MLLT10: variants seen among roughly 807,000 people sequenced by gnomAD.
The protein encoded by MLLT10 is MLLT10 histone lysine methyltransferase DOT1L cofactor.
A neutral mutation model predicts 129.1 loss-of-function variants in MLLT10; 30 were observed. The observed-to-expected ratio is 0.23, with a 90% CI of 0.17 to 0.32. The LOEUF is 0.32. Among genes scored for constraint, MLLT10 ranks in the 10% least tolerant of loss-of-function variants. The pLI is 1.00. For missense variants in MLLT10, 1,119 were observed against 1,268.3 expected (o/e 0.88, Z 1.79); for synonymous variants, 490 against 446.4 (o/e 1.10, Z -1.23).
rs546258955 is a variant in MLLT10, at chr10:21,629,425, G to A, written c.699+12218G>A. Among the ~76,000 whole-genome samples the A allele has an allele frequency of 1.7e-4, 26 of 152,224 alleles. 1 individual carries two copies. In the East Asian group the frequency reaches 5.0e-3, roughly 29 times the overall value. On this transcript the variant is annotated intron_variant, in intron 8 of 22. Transcript: ENST00000307729. ...CTCTATTGGATGCATAGGTAAGCCT[G>A]TTCAGTACGGGTAGGCACTGCACAG... is the stretch of plus-strand genomic sequence containing the variant.
intron 4 of MLLT10, among the ~76,000 whole-genome samples, chr10:21,589,844 T>A (rs1370106748): frequency 6.6e-6 from 1 of 152,224 alleles, no homozygotes; most frequent in Non-Finnish European, 1.5e-5. Flanking sequence ...AAATTTTTGA[T>A]AAATTCGTTT....
At chr10:21,680,754 T>G (rs567736079) in intron 11 of MLLT10, among the ~76,000 whole-genome samples, 50 of 152,122 alleles carry the variant, frequency 3.3e-4, no homozygotes, top group African/African-American at 1.2e-3. Flanking sequence ...GGCAGATCAC[T>G]TGAGGTCAGG....
chr10:21,672,742 A>G (rs1411761769), intron 10 of MLLT10, among the ~76,000 whole-genome samples: 1 of 152,206 alleles, frequency 6.6e-6, no homozygotes, highest in African/African-American at 2.4e-5. Flanking sequence ...TAGATTCCAT[A>G]TGATCATTAT....
At chr10:21,652,626 A>T (rs2049156906) in intron 9 of MLLT10, among the ~76,000 whole-genome samples, 1 of 152,226 alleles carries the variant, frequency 6.6e-6, no homozygotes, top group African/African-American at 2.4e-5. Flanking sequence ...GTCTAGGGTG[A>T]GGGACCCATT....
intron 5 of MLLT10, among the ~76,000 whole-genome samples, chr10:21,600,536 C>T (rs532458161): frequency 5.3e-5 from 8 of 152,208 alleles, no homozygotes; most frequent in South Asian, 4.1e-4. Flanking sequence ...CATGTATTAA[C>T]GAGATGATAA....
chr10:21,627,780 G>T (rs1347571124), intron 8 of MLLT10, among the ~76,000 whole-genome samples: 1 of 152,002 alleles, frequency 6.6e-6, no homozygotes, highest in Non-Finnish European at 1.5e-5. Context: ...GCAAGTCTTG[G>T]CTCTTTTTTT....
rs1398428775 is a variant in MLLT10, at chr10:21,639,932, C to T, written c.700-11741C>T. The stretch of plus-strand genomic sequence containing the variant: ...GAGAAAAAGGAGGGCAGGAAAGGTC[C>T]GAAAGAGAGAGATTCTGTTTTCTGA... On this transcript the variant is annotated intron_variant, in intron 8 of 22. Transcript: ENST00000307729. 7.3e-5 allele frequency among the ~76,000 whole-genome samples: 11 copies of T among 151,668 alleles called. No individual in the cohort carries two copies. The South Asian group carries it at 2.1e-3, about 29-fold the overall frequency.
intron 3 of MLLT10, among the ~76,000 whole-genome samples, chr10:21,572,765 A>G (rs893415439): frequency 1.3e-5 from 2 of 152,098 alleles, no homozygotes; most frequent in African/African-American, 2.4e-5. Flanking sequence ...GGCATGTACC[A>G]CTAAGCACAG....
chr10:21,658,032 T>C (rs1244156948), intron 9 of MLLT10, among the ~76,000 whole-genome samples: 1 of 152,222 alleles, frequency 6.6e-6, no homozygotes, highest in East Asian at 1.9e-4. Context: ...AATACAATTA[T>C]ATTTAAAAGT....
intron 13 of MLLT10, 37 bp downstream of exon 13, chr10:21,682,294 A>C (rs775923569): frequency 6.3e-7 from 1 of 1,586,748 alleles, no homozygotes; most frequent in African/African-American, 1.4e-5. Flanking sequence ...TGGTTCGTTT[A>C]TCACAAAGGT....
chr10:21,708,978 TTAAGG>T (rs1195953514), intron 13 of MLLT10, among the ~76,000 whole-genome samples: 1 of 152,194 alleles, frequency 6.6e-6, no homozygotes, highest in East Asian at 1.9e-4. Context: ...CAAAAAGTCT[TTAAGG>T]TAGCCATTAT....
At chr10:21,656,183 A>G (rs2049571208) in intron 9 of MLLT10, among the ~76,000 whole-genome samples, 2 of 152,138 alleles carry the variant, frequency 1.3e-5, no homozygotes, top group Non-Finnish European at 2.9e-5. Flanking sequence ...TTTTTGGGGA[A>G]CGGTGTCATT....
intron 8 of MLLT10, among the ~76,000 whole-genome samples, chr10:21,640,407 A>G (rs1468036756): frequency 6.6e-6 from 1 of 150,770 alleles, no homozygotes; most frequent in Non-Finnish European, 1.5e-5. Flanking sequence ...ACAGAAGTCT[A>G]TCATTTGATC....
intron 9 of MLLT10, among the ~76,000 whole-genome samples, chr10:21,655,477 A>C (rs916485984): frequency 6.6e-6 from 1 of 152,206 alleles, no homozygotes; most frequent in Non-Finnish European, 1.5e-5. Context: ...CTGGAACTTA[A>C]ATTTCATAGA....
At chr10:21,535,961 C>T (rs556565216) in intron 2 of MLLT10, among the ~76,000 whole-genome samples, 1 of 152,278 alleles carries the variant, frequency 6.6e-6, no homozygotes, top group Admixed American at 6.5e-5. Flanking sequence ...TTTGTTGAGA[C>T]GGAGTCTTGC....
intron 9 of MLLT10, among the ~76,000 whole-genome samples, chr10:21,657,392 CAAAAAAAAAAAA>C (rs904471815): frequency 2.0e-5 from 1 of 49,772 alleles, no homozygotes; most frequent in Non-Finnish European, 4.4e-5. Flanking sequence ...GACTCTGTCT[CAAAAAAAAAAAA>C]AAAAAAAAAA....
chr10:21,692,268 A>T (rs1452406724), intron 13 of MLLT10, among the ~76,000 whole-genome samples: 1 of 152,068 alleles, frequency 6.6e-6, no homozygotes, highest in Non-Finnish European at 1.5e-5. Context: ...AGAGATATTT[A>T]TCATAGCAAA....
intron 4 of MLLT10, among the ~76,000 whole-genome samples, chr10:21,588,031 C>A (rs542034710): frequency 2.6e-5 from 4 of 152,136 alleles, no homozygotes; most frequent in Non-Finnish European, 4.4e-5. Flanking sequence ...TTTCACTGAA[C>A]AATTTATCTG....
intron 14 of MLLT10, among the ~76,000 whole-genome samples, chr10:21,724,352 A>G (rs183868236): frequency 7.9e-5 from 12 of 152,384 alleles, no homozygotes; most frequent in Non-Finnish European, 1.5e-4. Context: ...ATGCAATGTC[A>G]TGATGTGAGT....
Sources: allele counts gnomAD v4.1 joint callset (sites outside exome capture counted in the v4.1 genomes callset), GRCh38; gene constraint gnomAD v4.1.1; transcripts MANE v1.5; gene names NCBI Gene and HGNC (gene_info 2026-07-23, HGNC 2026-07-21).